The following SRGAP1 variants were observed in gnomAD, a reference collection of about 807,000 sequenced individuals.
SRGAP1 encodes the protein SLIT-ROBO Rho GTPase-activating protein 1.
In SRGAP1, 43 loss-of-function variants were observed where a neutral mutation model predicts 121.9. The observed-to-expected ratio is 0.35, with a 90% confidence interval of 0.28 to 0.46. The LOEUF (loss-of-function observed/expected upper bound fraction) is 0.46. SRGAP1 is among the 20% of genes least tolerant of loss of function. SRGAP1 has a pLI of 1.00. For synonymous variants in SRGAP1, 447 were observed against 485.4 expected, an observed-to-expected ratio of 0.92 and a Z score of 1.04; for missense variants, 1,102 against 1,350.9, an observed-to-expected ratio of 0.82 and a Z score of 2.89.
At chr12:64,011,181 A>G (rs1290707010) in intron 3 of SRGAP1, among the ~76,000 whole-genome samples, 1 of 118,558 alleles carries the variant, frequency 8.4e-6, no homozygotes, top group Non-Finnish European at 1.8e-5. Flanking sequence ...GGCAGAAGTT[A>G]TGGATGAGTT....
intron 4 of SRGAP1, among the ~76,000 whole-genome samples, chr12:64,029,924 A>T (rs1465761765): frequency 1.7e-5 from 1 of 59,012 alleles, no homozygotes; most frequent in Admixed American, 1.4e-4. Context: ...TAAATAAATG[A>T]ATAAATAAAT....
At chr12:64,141,389 G>A (rs554723154) in intron 21 of SRGAP1, among the ~76,000 whole-genome samples, 1 of 151,948 alleles carries the variant, frequency 6.6e-6, no homozygotes, top group South Asian at 2.1e-4. Context: ...AGACCAGCCT[G>A]GCCAACATGG....
chr12:63,983,860 A>G (rs892858974), intron 1 of SRGAP1, 87 bp from the exon 2 acceptor site: 1 of 141,322 alleles, frequency 7.1e-6, no homozygotes, highest in African/African-American at 3.6e-5. Flanking sequence ...ATATATTTAT[A>G]TATATTTCGT....
chr12:63,866,308 CA>C (rs1261483317), intron 1 of SRGAP1, among the ~76,000 whole-genome samples: 9 of 152,334 alleles, frequency 5.9e-5, no homozygotes, highest in African/African-American at 2.2e-4. Flanking sequence ...ACCACCACTG[CA>C]CTGTATGTTC....
intron 1 of SRGAP1, among the ~76,000 whole-genome samples, chr12:63,936,622 A>G (rs540978408): frequency 6.6e-5 from 10 of 152,322 alleles, no homozygotes; most frequent in Admixed American, 1.3e-4. Context: ...AGAGGGCACC[A>G]GAGTCATCAA....
intron 1 of SRGAP1, among the ~76,000 whole-genome samples, chr12:63,946,240 A>G (rs184963985): frequency 2.0e-5 from 3 of 151,296 alleles, no homozygotes; most frequent in East Asian, 3.9e-4. Context: ...TCACCATCCT[A>G]ATTTTGGCCT....
intron 3 of SRGAP1, among the ~76,000 whole-genome samples, chr12:64,001,846 A>G (rs1474082974): frequency 1.3e-5 from 2 of 152,200 alleles, no homozygotes; most frequent in Non-Finnish European, 2.9e-5. Context: ...TGCCCTCCCC[A>G]AAAGGTAGAT....
In SRGAP1 at chr12:64,158,006, C is replaced by CT. The variant is rs1311142629; in HGVS notation, c.*15335dup. 6.6e-6 allele frequency: 1 copy of CT among 152,198 alleles called. No homozygotes were observed. The highest frequency in any genetic ancestry group is 1.5e-5 in the Non-Finnish European group (1 of 68,066). 9.4% of individuals were successfully genotyped at this position (152,198 alleles called of 1,614,324 possible). On this transcript the variant is annotated 3_prime_UTR_variant, in exon 22 of 22. Transcript: ENST00000355086. ...CTTGGTATGGAGGAGACATGAATCA[C>CT]TACTGTACATGTCCAAGTCACATGG...
chr12:64,109,227 C>T (rs2036393828), intron 16 of SRGAP1, 190 bp downstream of exon 16: 1 of 379,478 alleles, frequency 2.6e-6, no homozygotes, highest in Non-Finnish European at 4.7e-6. Context: ...GAAAGCCCTA[C>T]CCCAGATGTA....
intron 18 of SRGAP1, among the ~76,000 whole-genome samples, chr12:64,125,567 A>G (rs1212913195): frequency 6.6e-6 from 1 of 152,192 alleles, no homozygotes; most frequent in Non-Finnish European, 1.5e-5. Context: ...TATAAATGGT[A>G]TTAACATGTT....
chr12:64,122,376 T>C (rs1459797538), intron 18 of SRGAP1, among the ~76,000 whole-genome samples: 1 of 152,214 alleles, frequency 6.6e-6, no homozygotes, highest in Non-Finnish European at 1.5e-5. Context: ...ATTGATTTGC[T>C]CTGCAATGAC....
chr12:63,878,104 A>G (rs967398392), intron 1 of SRGAP1, among the ~76,000 whole-genome samples: 4 of 152,250 alleles, frequency 2.6e-5, no homozygotes, highest in Admixed American at 1.3e-4. Flanking sequence ...ACAACATTAG[A>G]GAAGAGTTGC....
intron 1 of SRGAP1, among the ~76,000 whole-genome samples, chr12:63,929,691 G>C (rs576708296): frequency 6.6e-6 from 1 of 151,948 alleles, no homozygotes; most frequent in African/African-American, 2.4e-5. Flanking sequence ...TGTATTTGCT[G>C]CATTTGTAGT....
chr12:64,009,095 T>C (rs1383516796), intron 3 of SRGAP1, among the ~76,000 whole-genome samples: 1 of 152,146 alleles, frequency 6.6e-6, no homozygotes, highest in Non-Finnish European at 1.5e-5. Flanking sequence ...AAAGAAGACA[T>C]ATTATTATGG....
At chr12:64,047,197 T>G (rs1593075458) in intron 6 of SRGAP1, among the ~76,000 whole-genome samples, 1 of 152,256 alleles carries the variant, frequency 6.6e-6, no homozygotes, top group South Asian at 2.1e-4. Flanking sequence ...TTGTTGTATA[T>G]TCAGCTGAAA....
Position 64,148,641 on chromosome 12 carries a change from A to AGAT in SRGAP1, c.*5970_*5972dup, listed in dbSNP as rs2037086651. Reference sequence around the variant, plus strand: ...AACTTGAGGTCTAGCAATATGTAGTAGATAGCTTTGTAAAACAATGTAAGT... The same window carrying AGAT: ...AACTTGAGGTCTAGCAATATGTAGTAGATGATAGCTTTGTAAAACAATGTAAGT... On this transcript the variant is annotated 3_prime_UTR_variant, in exon 22 of 22. Transcript: ENST00000355086. 1 of 152,204 alleles carries AGAT rather than the reference A, an allele frequency of 6.6e-6. No homozygotes were observed. Among genetic ancestry groups the AGAT allele is most frequent in the Non-Finnish European group, 1.5e-5 (1 of 68,032 alleles). The allele number at this position is 152,204 out of a possible 1,614,324, so 9.4% of individuals were successfully genotyped here.
chr12:64,104,464 C>A (rs2036307584), intron 15 of SRGAP1, among the ~76,000 whole-genome samples: 1 of 152,198 alleles, frequency 6.6e-6, no homozygotes, highest in Admixed American at 6.5e-5. Context: ...ACCCATCTTT[C>A]CCTCCAGCAT....
At chr12:63,866,429 A>G (rs1899634264) in intron 1 of SRGAP1, among the ~76,000 whole-genome samples, 1 of 152,220 alleles carries the variant, frequency 6.6e-6, no homozygotes, top group African/African-American at 2.4e-5. Flanking sequence ...GTCTAACATC[A>G]TTTCCATTGT....
intron 1 of SRGAP1, among the ~76,000 whole-genome samples, chr12:63,974,737 A>G (rs1253115031): frequency 2.0e-5 from 3 of 152,190 alleles, no homozygotes; most frequent in Non-Finnish European, 2.9e-5. Flanking sequence ...TAAAGTAGAA[A>G]AAGACCTTAG....
Sources: allele counts gnomAD v4.1 joint callset (sites outside exome capture counted in the v4.1 genomes callset), GRCh38; gene constraint gnomAD v4.1.1; transcripts MANE v1.5; gene names NCBI Gene and HGNC (gene_info 2026-07-23, HGNC 2026-07-21).